The following ZNF641 variants were observed in gnomAD, a reference collection of about 807,000 sequenced individuals.
ZNF641 encodes zinc finger protein 641.
A neutral mutation model predicts 46.2 loss-of-function variants in ZNF641; 26 were observed. The ratio of observed to expected loss-of-function variants is 0.56; its 90% CI spans 0.41 to 0.78. The LOEUF (loss-of-function observed/expected upper bound fraction) is 0.78. Ranked by LOEUF, ZNF641 falls within the 30% of genes least tolerant of loss-of-function variation. The pLI is 0.00. For synonymous variants in ZNF641, 163 were observed against 187.9 expected (o/e 0.87, Z 1.09); for missense variants, 469 against 517.8 (o/e 0.91, Z 0.91).
downstream of ZNF641, among the ~76,000 whole-genome samples, chr12:48,336,444 G>A (rs1952605223): frequency 6.6e-6 from 1 of 152,192 alleles, no homozygotes; most frequent in Non-Finnish European, 1.5e-5. Context: ...CTGGGGTAAG[G>A]AAAGCTGCAA....
intron 3 of ZNF641, among the ~76,000 whole-genome samples, chr12:48,345,867 A>C (rs1250274672): frequency 6.6e-6 from 1 of 151,440 alleles, no homozygotes; most frequent in Admixed American, 6.6e-5. Context: ...TCAGCACAAA[A>C]TGCTACAGAT....
chr12:48,334,838 C>T (rs1039844039), downstream of ZNF641, among the ~76,000 whole-genome samples: 1 of 152,150 alleles, frequency 6.6e-6, no homozygotes, highest in Admixed American at 6.5e-5. Flanking sequence ...GAGACAGCGC[C>T]GGTGGGACCG....
At position 48,343,220 on chromosome 12, in the gene ZNF641, G is replaced by C. The variant is rs1458490403; in HGVS notation, c.1028C>G (p.Pro343Arg). The C allele has an allele frequency of 3.1e-6, 5 of 1,614,092 alleles. No individual in the cohort carries two copies. The highest frequency in any genetic ancestry group is 4.2e-6 in the Non-Finnish European group (5 of 1,180,034). ...GGCACGCTGCCGTTTCCTTGTGCCA[G>C]GGCTCTCTCCAACCTCTTGGCCTTT... Reference protein sequence around the residue: ...SCKGQEVGESPGTRKRQRAPP... With the variant: ...SCKGQEVGESRGTRKRQRAPP... Residue 343 changes from proline to arginine, a missense_variant, in exon 6 of 6, where the codon CCT becomes CGT. This residue lies in a region of ZNF641 where 346 missense variants were observed against 354.0 expected (regional missense o/e 0.98). Transcript: ENST00000547026.
Position 48,342,505 on chromosome 12 carries a change from A to G in ZNF641, c.*468T>C. On this transcript the variant is annotated 3_prime_UTR_variant, in exon 6 of 6. Transcript: ENST00000547026. ...CTGAGGTCAAATACATTTAGGAAAC[A>G]CTGCCTTAATAGAACCTTCAGTTGG... 6 of 889,916 alleles carry G rather than the reference A, an allele frequency of 6.7e-6. No homozygotes were observed. Among genetic ancestry groups the G allele is most frequent in the Non-Finnish European group, 8.1e-6 (6 of 740,192 alleles). The allele number at this position is 889,916 out of a possible 1,614,324, so 55.1% of individuals were successfully genotyped here.
In ZNF641 at chr12:48,344,693, C is replaced by T; in HGVS notation, c.426G>A (p.Leu142=). ...CTCCTTCTAGTTGAGAAAGCATGTC[C>T]AGTTTGGGAATTGGAAATCCTGCTC... ...VVSLRFPIPK[L]DMLSQLEGGE... Residue 142 remains leucine, a synonymous_variant, in exon 5 of 6, where the codon CTG becomes CTA. Coordinates refer to ENST00000547026, the MANE Select transcript of ZNF641 (RefSeq NM_001172681.2). 1 of 1,610,954 alleles carries T rather than the reference C, an allele frequency of 6.2e-7. No homozygotes were observed. The highest frequency in any genetic ancestry group is 8.5e-7 in the Non-Finnish European group (1 of 1,179,000).
chr12:48,340,474 T>C lies in ZNF641; in HGVS notation c.*2499A>G. On this transcript the variant is annotated 3_prime_UTR_variant, in exon 6 of 6. Coordinates refer to ENST00000547026, the MANE Select transcript of ZNF641 (RefSeq NM_001172681.2). ...TCTTTTTGAAAACCAGAGAGTAGAA[T>C]GTAAGCAATACCCTTGTCGTAATTA... 1.0e-6 allele frequency: 1 copy of C among 985,436 alleles called. No individual in the cohort carries two copies. Among genetic ancestry groups the C allele is most frequent in the Non-Finnish European group, 1.2e-6 (1 of 829,940 alleles). 61.0% of individuals were successfully genotyped at this position (985,436 alleles called of 1,614,324 possible). A position where few individuals can be genotyped will look rare whatever the true frequency, so the allele number is the denominator to read the frequency against.
chr12:48,351,024 G>A (rs1226604560), upstream of ZNF641: 2 of 110,006 alleles, frequency 1.8e-5, no homozygotes, highest in East Asian at 4.2e-4. Flanking sequence ...GGAGAGGAGT[G>A]GGAGGGAGGG....
At chr12:48,347,148 C>A (rs1952895172) in intron 3 of ZNF641, 104 bp downstream of exon 3, 1 of 1,587,558 alleles carries the variant, frequency 6.3e-7, no homozygotes, top group African/African-American at 1.3e-5. Flanking sequence ...GATGAACATA[C>A]CATTGATGAT....
rs1327309098 is a variant in ZNF641, at chr12:48,342,677, G to A, written c.*296C>T. The A allele has an allele frequency of 3.7e-6, 3 of 802,584 alleles. No individual in the cohort carries two copies. Among genetic ancestry groups the A allele is most frequent in the East Asian group, 8.6e-5 (2 of 23,314 alleles). The allele number at this position is 802,584 out of a possible 1,614,324, so 49.7% of individuals were successfully genotyped here. A position where few individuals can be genotyped will look rare whatever the true frequency, so the allele number is the denominator to read the frequency against. On this transcript the variant is annotated 3_prime_UTR_variant, in exon 6 of 6. Transcript: ENST00000547026. ...AGCATAGACTCCAACCAATCAGAAT[G>A]GATTTCAGCCATAAACTGCCAGTAC...
At position 48,343,657 on chromosome 12, in the gene ZNF641, C is replaced by T. The variant is rs1401321909; in HGVS notation, c.591G>A (p.Val197=). ...EAEPPRMLSS[V]SEDTVLWNPE... ...GGTTCCAGAGAACAGTATCTTCAGA[C>T]ACGCTGGATAACATTCTGGGAGGTT... Residue 197 remains valine, a synonymous_variant, in exon 6 of 6, where the codon GTG becomes GTA. Transcript: ENST00000547026. The T allele has an allele frequency of 6.4e-7, 1 of 1,569,482 alleles. No homozygotes were observed.
chr12:48,340,047 A>C lies in ZNF641; in HGVS notation c.*2926T>G. 1 of 985,444 alleles carries C rather than the reference A, an allele frequency of 1.0e-6. No individual in the cohort carries two copies. Among genetic ancestry groups the C allele is most frequent in the Non-Finnish European group, 1.2e-6 (1 of 829,924 alleles). The allele number at this position is 985,444 out of a possible 1,614,324, so 61.0% of individuals were successfully genotyped here. ...CAAAGAGAACACAGAGATTCTTTTT[A>C]TTTAAAGGGGACGGGGTGAAACATG... On this transcript the variant is annotated 3_prime_UTR_variant, in exon 6 of 6. Transcript: ENST00000547026.
At chr12:48,349,126 G>T (rs903258546) in intron 1 of ZNF641, among the ~76,000 whole-genome samples, 1 of 152,102 alleles carries the variant, frequency 6.6e-6, no homozygotes, top group Non-Finnish European at 1.5e-5. Context: ...AAAAACAGAG[G>T]TCCCTTCTAT....
chr12:48,349,986 C>T, intron 1 of ZNF641: 1 of 1,607,266 alleles, frequency 6.2e-7, no homozygotes, highest in Non-Finnish European at 8.5e-7. Flanking sequence ...TTTTTCTATA[C>T]CACTGACAGA....
chr12:48,340,596 T>C lies in ZNF641; in HGVS notation c.*2377A>G, dbSNP rs1010385911. ...CCTTCTAATTCTTGACACAAATATATAATGACCATTTTAGATCGGGGAACT... is the reference window on the plus strand; with the variant it reads ...CCTTCTAATTCTTGACACAAATATACAATGACCATTTTAGATCGGGGAACT... On this transcript the variant is annotated 3_prime_UTR_variant, in exon 6 of 6. Transcript: ENST00000547026. 26 of 985,346 alleles carry C rather than the reference T, an allele frequency of 2.6e-5. No homozygotes were observed. In the African/African-American group the frequency reaches 3.5e-4, roughly 13 times the overall value. 61.0% of individuals were successfully genotyped at this position (985,346 alleles called of 1,614,324 possible).
In ZNF641 at chr12:48,338,791, G is replaced by T. The variant is rs1030454543; in HGVS notation, c.*4182C>A. 2 of 152,146 alleles carry T rather than the reference G, an allele frequency of 1.3e-5. No homozygotes were observed. Among genetic ancestry groups the T allele is most frequent in the Non-Finnish European group, 2.9e-5 (2 of 68,044 alleles). 9.4% of individuals were successfully genotyped at this position (152,146 alleles called of 1,614,324 possible). On this transcript the variant is annotated 3_prime_UTR_variant, in exon 6 of 6. Coordinates refer to ENST00000547026, the MANE Select transcript of ZNF641 (RefSeq NM_001172681.2). ...TTGCCCATAGGGTATGCCAAATCATGGTTAGAAATCCCTTCCATGGCCCCT... is the reference window on the plus strand; with the variant it reads ...TTGCCCATAGGGTATGCCAAATCATTGTTAGAAATCCCTTCCATGGCCCCT...
Position 48,342,093 on chromosome 12 carries a change from G to A in ZNF641, c.*880C>T, listed in dbSNP as rs772891362. On this transcript the variant is annotated 3_prime_UTR_variant, in exon 6 of 6. Transcript: ENST00000547026. ...TAAAGACAGTCAAGAGGAGAGAGGG[G>A]ACTGTTCAAGGGGATAAAGTTTTTT... 1.0e-6 allele frequency: 1 copy of A among 985,470 alleles called. No homozygotes were observed. The highest frequency in any genetic ancestry group is 1.2e-6 in the Non-Finnish European group (1 of 829,980). 61.0% of individuals were successfully genotyped at this position (985,470 alleles called of 1,614,324 possible).
Position 48,338,203 on chromosome 12 carries a change from G to C in ZNF641, c.*4770C>G, listed in dbSNP as rs933407815. On this transcript the variant is annotated 3_prime_UTR_variant, in exon 6 of 6. Transcript: ENST00000547026. The stretch of plus-strand genomic sequence containing the variant: ...TAGTAAGTGGACTCATGATGGAATA[G>C]AATTGGCCAGAAGCTTGAAGAGATA... The C allele has an allele frequency of 4.6e-5, 7 of 152,338 alleles. No homozygotes were observed. The highest frequency in any genetic ancestry group is 1.7e-4 in the African/African-American group (7 of 41,456). 9.4% of individuals were successfully genotyped at this position (152,338 alleles called of 1,614,324 possible).
intron 1 of ZNF641, among the ~76,000 whole-genome samples, chr12:48,348,722 T>C (rs770134677): frequency 6.6e-5 from 10 of 152,192 alleles, no homozygotes; most frequent in Non-Finnish European, 1.5e-4. Context: ...GTAGTAAATA[T>C]GGTAGAAAAA....
chr12:48,348,022 T>C lies in ZNF641; in HGVS notation c.69A>G (p.Ala23=), dbSNP rs1336111041. The change falls in exon 2 of 6, where the codon GCA becomes GCG. Residue 23 remains alanine (A), a synonymous_variant. Coordinates refer to ENST00000547026, the MANE Select transcript of ZNF641 (RefSeq NM_001172681.2). ...WESMNVQLDG[A]EPQVERGSQE... ...GGCTTCCCCTTTCCACCTGGGGCTC[T>C]GCTCCATCCAGCTGTACATTCATTG... 5 of 1,614,132 alleles carry C rather than the reference T, an allele frequency of 3.1e-6. No homozygotes were observed. The highest frequency in any genetic ancestry group is 2.2e-5 in the East Asian group (1 of 44,900).
Sources: allele counts gnomAD v4.1 joint callset (sites outside exome capture counted in the v4.1 genomes callset), GRCh38; gene constraint gnomAD v4.1.1; regional missense constraint gnomAD v4.1.1; transcripts MANE v1.5; gene names NCBI Gene and HGNC (gene_info 2026-07-23, HGNC 2026-07-21).